The following ALG5 variants were observed in gnomAD, a reference collection of about 807,000 sequenced individuals.
The protein encoded by ALG5 is ALG5 dolichyl-phosphate beta-glucosyltransferase, also known as dolichyl-phosphate beta-glucosyltransferase.
In ALG5, 26 loss-of-function variants were observed where a neutral mutation model predicts 51.8. The observed-to-expected ratio is 0.50, with a 90% CI of 0.37 to 0.70. The LOEUF is 0.70. ALG5 is among the 30% of genes least tolerant of loss of function. The pLI is 0.00. For synonymous variants in ALG5, 141 were observed against 136.1 expected (o/e 1.04, Z -0.25); for missense variants, 311 against 399.3 (o/e 0.78, Z 1.88).
Position 36,949,933 on chromosome 13 carries a change from G to A in ALG5, c.*9C>T. Reference sequence around the variant, plus strand: ...AAGCATAAGAACACAACTGAAGACTGCAAACAACCTAATTCATTTTCCGAG... The same window carrying A: ...AAGCATAAGAACACAACTGAAGACTACAAACAACCTAATTCATTTTCCGAG... On this transcript the variant is annotated 3_prime_UTR_variant, in exon 10 of 10. Transcript: ENST00000239891. 6.3e-7 allele frequency: 1 copy of A among 1,586,398 alleles called. No individual in the cohort carries two copies. The highest frequency in any genetic ancestry group is 8.6e-7 in the Non-Finnish European group (1 of 1,159,268).
Position 36,985,634 on chromosome 13 carries a change from GGCT to G in ALG5, c.551_553del (p.Gln184del). On this transcript the variant is annotated inframe_deletion, in exon 6 of 10. Coordinates refer to ENST00000239891, the MANE Select transcript of ALG5 (RefSeq NM_013338.5). The stretch of plus-strand genomic sequence containing the variant: ...CTACATTCTTATACTCACAGGCCAA[GGCT>G]GTAGATCATTTAGCCCCTTTTCTAA... 1 of 1,611,730 alleles carries G rather than the reference GGCT, an allele frequency of 6.2e-7. No individual in the cohort carries two copies. Among genetic ancestry groups the G allele is most frequent in the Non-Finnish European group, 8.5e-7 (1 of 1,178,506 alleles).
intron 8 of ALG5, among the ~76,000 whole-genome samples, chr13:36,954,446 C>T (rs192483424): frequency 6.6e-6 from 1 of 152,226 alleles, no homozygotes. Context: ...CTGGCTTGAC[C>T]TCCCAAAGTC....
chr13:36,985,104 C>T (rs1030893568), intron 6 of ALG5, among the ~76,000 whole-genome samples: 1 of 150,838 alleles, frequency 6.6e-6, no homozygotes, highest in Non-Finnish European at 1.5e-5. Context: ...GGATCCTGAG[C>T]GTTTGCCAAA....
intron 6 of ALG5, among the ~76,000 whole-genome samples, chr13:36,976,425 CAAAAAAAAAAA>C: frequency 2.7e-5 from 1 of 36,602 alleles, no homozygotes; most frequent in Non-Finnish European, 6.7e-5. Flanking sequence ...GACTCTGTCT[CAAAAAAAAAAA>C]AAAAAAAAAA....
At chr13:36,961,791 T>G (rs1399384681) in intron 8 of ALG5, among the ~76,000 whole-genome samples, 1 of 151,826 alleles carries the variant, frequency 6.6e-6, no homozygotes, top group East Asian at 1.9e-4. Context: ...ATACTGAGAG[T>G]CTTTTTTTGA....
chr13:36,994,240 T>C (rs1027771421), intron 3 of ALG5, among the ~76,000 whole-genome samples: 16 of 152,226 alleles, frequency 1.1e-4, no homozygotes, highest in African/African-American at 3.6e-4. Flanking sequence ...AAGTTGGTAA[T>C]AAGGTAATAC....
intron 4 of ALG5, among the ~76,000 whole-genome samples, chr13:36,992,498 A>C (rs2059030000): frequency 6.6e-6 from 1 of 152,220 alleles, no homozygotes; most frequent in Non-Finnish European, 1.5e-5. Flanking sequence ...GCTTCAAGGA[A>C]TATAACATTG....
chr13:36,995,670 T>C (rs1239197251), intron 1 of ALG5, 74 bp from the exon 2 acceptor site: 44 of 1,357,428 alleles, frequency 3.2e-5, no homozygotes, highest in Admixed American at 2.2e-4. Flanking sequence ...TATGTTAGAA[T>C]ACATCATCTA....
At chr13:36,994,760 A>G (rs1452869696) in intron 3 of ALG5, among the ~76,000 whole-genome samples, 2 of 151,944 alleles carry the variant, frequency 1.3e-5, no homozygotes, top group Admixed American at 1.3e-4. Context: ...GTAGGAGGGT[A>G]CAGAAACAGA....
intron 6 of ALG5, among the ~76,000 whole-genome samples, chr13:36,984,532 C>T (rs1378255040): frequency 1.1e-4 from 5 of 46,176 alleles, no homozygotes; most frequent in African/African-American, 2.2e-4. Context: ...CCTTGGATTA[C>T]ACTGTCTTAA....
At chr13:36,991,022 T>C (rs1234250778) in intron 4 of ALG5, among the ~76,000 whole-genome samples, 1 of 152,258 alleles carries the variant, frequency 6.6e-6, no homozygotes, top group Non-Finnish European at 1.5e-5. Flanking sequence ...TGATGACTTA[T>C]GGCTTCTAAG....
chr13:36,973,819 A>G (rs1475119346), intron 6 of ALG5, among the ~76,000 whole-genome samples: 2 of 152,216 alleles, frequency 1.3e-5, no homozygotes, highest in African/African-American at 4.8e-5. Flanking sequence ...TAGCTCTTGA[A>G]CAACTGAAAA....
At chr13:36,972,111 T>A (rs1444763129) in intron 6 of ALG5, 75 bp from the exon 7 acceptor site, 1 of 1,183,506 alleles carries the variant, frequency 8.4e-7, no homozygotes, top group African/African-American at 1.6e-5. Context: ...AATGAGAATA[T>A]CTCATTTTTA....
At chr13:36,975,768 C>A (rs1397232111) in intron 6 of ALG5, among the ~76,000 whole-genome samples, 1 of 151,992 alleles carries the variant, frequency 6.6e-6, no homozygotes, top group Non-Finnish European at 1.5e-5. Flanking sequence ...TACCTGTAAT[C>A]CAAGTACTTT....
intron 8 of ALG5, among the ~76,000 whole-genome samples, chr13:36,960,903 C>T (rs1420301629): frequency 6.6e-6 from 1 of 151,816 alleles, no homozygotes. Context: ...ACTCAGCCTC[C>T]CAAAGAGCTA....
chr13:36,980,028 C>CA (rs1417879762), intron 6 of ALG5, among the ~76,000 whole-genome samples: 1 of 152,036 alleles, frequency 6.6e-6, no homozygotes, highest in Non-Finnish European at 1.5e-5. Context: ...GGCTGGGTGA[C>CA]AGAATGAGAC....
At chr13:36,989,375 C>A in intron 5 of ALG5, 109 bp downstream of exon 5, 1 of 736,174 alleles carries the variant, frequency 1.4e-6, no homozygotes, top group Non-Finnish European at 2.3e-6. Flanking sequence ...TATGTTATCA[C>A]TAACTTGAAA....
At chr13:36,978,417 C>A (rs2058964243) in intron 6 of ALG5, among the ~76,000 whole-genome samples, 1 of 151,914 alleles carries the variant, frequency 6.6e-6, no homozygotes, top group Non-Finnish European at 1.5e-5. Flanking sequence ...AAACTCCTGA[C>A]CTCGGGTGAT....
intron 8 of ALG5, among the ~76,000 whole-genome samples, chr13:36,963,103 C>T (rs1256562041): frequency 2.0e-5 from 3 of 152,100 alleles, no homozygotes; most frequent in Non-Finnish European, 4.4e-5. Flanking sequence ...CACACCACCA[C>T]ACCAAGCTAA....
Sources: gnomAD v4.1 joint callset for allele counts (sites outside exome capture counted in the v4.1 genomes callset) on GRCh38, gnomAD v4.1.1 for gene constraint, MANE v1.5 for transcripts, NCBI Gene and HGNC (gene_info 2026-07-23, HGNC 2026-07-21) for gene names.